Variants in OSBPL6 observed in about 807,000 individuals in gnomAD.
The protein encoded by OSBPL6 is oxysterol binding protein like 6.
In OSBPL6, 49 loss-of-function variants were observed where a neutral mutation model predicts 125.8. The observed-to-expected ratio is 0.39, with a 90% CI of 0.31 to 0.49. The LOEUF (loss-of-function observed/expected upper bound fraction) is 0.49, where lower values mean the gene tolerates loss of function less well. OSBPL6 is among the 20% of genes least tolerant of loss of function. OSBPL6 has a pLI of 0.88. For synonymous variants in OSBPL6, 394 were observed against 391.8 expected (o/e 1.01, Z -0.07); for missense variants, 986 against 1,135.4 (o/e 0.87, Z 1.89).
intron 3 of OSBPL6, among the ~76,000 whole-genome samples, chr2:178,308,563 T>C (rs1179800994): frequency 6.6e-6 from 1 of 152,302 alleles, no homozygotes; most frequent in East Asian, 1.9e-4. Context: ...CCTTCTCAAG[T>C]TCTAATCGTA....
intron 15 of OSBPL6, 54 bp from the exon 16 acceptor site, chr2:178,382,366 A>G: frequency 6.5e-7 from 1 of 1,535,884 alleles, no homozygotes; most frequent in Non-Finnish European, 8.7e-7. Context: ...TGATTATCTG[A>G]GCTTGCAAAA....
chr2:178,240,546 C>T (rs772624176), intron 1 of OSBPL6, among the ~76,000 whole-genome samples: 5 of 152,080 alleles, frequency 3.3e-5, no homozygotes, highest in South Asian at 4.2e-4. Flanking sequence ...GCATTCTGGG[C>T]GTCTCAAAAC....
At chr2:178,349,468 CT>C (rs1211395732) in intron 12 of OSBPL6, 79 bp downstream of exon 12, 15 of 1,492,410 alleles carry the variant, frequency 1.0e-5, no homozygotes, top group Non-Finnish European at 1.4e-5. Context: ...TTATCTTTGT[CT>C]TTGTGGTAAT....
intron 13 of OSBPL6, among the ~76,000 whole-genome samples, chr2:178,363,038 A>C (rs1692499286): frequency 6.6e-6 from 1 of 152,212 alleles, no homozygotes; most frequent in Admixed American, 6.5e-5. Flanking sequence ...GAAAGATCAA[A>C]ATATTGGTCA....
In OSBPL6 at chr2:178,255,648, T is replaced by C. The variant is rs374505591; in HGVS notation, c.-350-29279T>C. Among the ~76,000 whole-genome samples, 88 of 152,338 alleles carry C rather than the reference T, an allele frequency of 5.8e-4. 2 individuals carry two copies. In the South Asian group the frequency reaches 0.01, roughly 18 times the overall value. On this transcript the variant is annotated intron_variant, in intron 1 of 24. Coordinates refer to ENST00000190611, the MANE Select transcript of OSBPL6 (RefSeq NM_032523.4). ...GTACTGCAGAGCTGGTCTTCAATTC[T>C]TACAGACCAATTCCTAATCTCTCAC...
intron 12 of OSBPL6, among the ~76,000 whole-genome samples, chr2:178,350,848 A>C (rs1691190683): frequency 6.6e-6 from 1 of 152,148 alleles, no homozygotes; most frequent in Non-Finnish European, 1.5e-5. Flanking sequence ...CTAAGGGGAG[A>C]TGGTACTTTG....
chr2:178,218,587 T>C (rs2090188792), intron 1 of OSBPL6, among the ~76,000 whole-genome samples: 1 of 151,806 alleles, frequency 6.6e-6, no homozygotes, highest in Non-Finnish European at 1.5e-5. Context: ...TCTTCCTCTT[T>C]TACTGACTTT....
At chr2:178,305,493 G>A (rs540720360) in intron 2 of OSBPL6, among the ~76,000 whole-genome samples, 2 of 152,306 alleles carry the variant, frequency 1.3e-5, no homozygotes, top group South Asian at 2.1e-4. Context: ...TCACATGTAG[G>A]CATGCTGTAG....
At chr2:178,308,191 C>T (rs1468706026) in intron 3 of OSBPL6, among the ~76,000 whole-genome samples, 1 of 152,200 alleles carries the variant, frequency 6.6e-6, no homozygotes, top group Admixed American at 6.5e-5. Context: ...TGTCTGTCTA[C>T]CTCCCTAAGG....
intron 1 of OSBPL6, among the ~76,000 whole-genome samples, chr2:178,239,554 A>G (rs62177228): frequency 0.058 from 8,769 of 150,332 alleles, 313 homozygotes; most frequent in South Asian, 0.12. Flanking sequence ...TAACAGTGAG[A>G]CCCCTGTTCT....
chr2:178,230,067 G>C (rs1382407677), intron 1 of OSBPL6, among the ~76,000 whole-genome samples: 1 of 152,160 alleles, frequency 6.6e-6, no homozygotes, highest in African/African-American at 2.4e-5. Flanking sequence ...CCAGCTAGGA[G>C]CACTTCTGCA....
chr2:178,396,781 A>G lies in OSBPL6; in HGVS notation c.*1222A>G, dbSNP rs1695870184. 6.6e-6 allele frequency: 1 copy of G among 152,260 alleles called. No homozygotes were observed. Among genetic ancestry groups the G allele is most frequent in the Non-Finnish European group, 1.5e-5 (1 of 68,044 alleles). 9.4% of individuals were successfully genotyped at this position (152,260 alleles called of 1,614,324 possible). On this transcript the variant is annotated 3_prime_UTR_variant, in exon 25 of 25. Transcript: ENST00000190611. ...CAGAGATATGAAACTTAAGCTAAGGAATGTATCCATCCCAAAGCAGGAAAG... is the reference window on the plus strand; with the variant it reads ...CAGAGATATGAAACTTAAGCTAAGGGATGTATCCATCCCAAAGCAGGAAAG...
At position 178,370,539 on chromosome 2, in the gene OSBPL6, A is replaced by T. The variant is rs1693282375; in HGVS notation, c.1288-1587A>T. On this transcript the variant is annotated intron_variant, in intron 13 of 24. Transcript: ENST00000190611. The stretch of plus-strand genomic sequence containing the variant: ...GTTTTTTTCTAATTCTAAGTGTTTG[A>T]GATTTTGCTCCAAGAAAAATGATCC... 1.3e-5 allele frequency among the ~76,000 whole-genome samples: 2 copies of T among 152,190 alleles called. 1 individual carries two copies. Among genetic ancestry groups the T allele is most frequent in the South Asian group, 4.1e-4 (2 of 4,826 alleles).
At position 178,384,183 on chromosome 2, in the gene OSBPL6, G is replaced by A. The variant is rs373624856; in HGVS notation, c.2013+7G>A. 2.7e-5 allele frequency: 43 copies of A among 1,611,714 alleles called. No individual in the cohort carries two copies. Among genetic ancestry groups the A allele is most frequent in the African/African-American group, 5.3e-5 (4 of 74,878 alleles). On this transcript the variant is annotated splice_region_variant and intron_variant, in intron 18 of 24. Transcript: ENST00000190611. The stretch of plus-strand genomic sequence containing the variant: ...CCGCTTTTTCTCAGAACAGGTAAGC[G>A]CCACTGGACTCAGTGAGGTTTCTAT...
At chr2:178,236,237 A>T (rs2091047261) in intron 1 of OSBPL6, among the ~76,000 whole-genome samples, 2 of 152,210 alleles carry the variant, frequency 1.3e-5, no homozygotes, top group African/African-American at 4.8e-5. Flanking sequence ...AAAAAAAATT[A>T]TAAGTTTAGT....
At chr2:178,387,742 C>T (rs1293099139) in intron 20 of OSBPL6, among the ~76,000 whole-genome samples, 17 of 152,168 alleles carry the variant, frequency 1.1e-4, no homozygotes, top group African/African-American at 4.1e-4. Flanking sequence ...CGGTGGCTCA[C>T]GCCTGTAATT....
chr2:178,250,156 G>A (rs576924810), intron 1 of OSBPL6, among the ~76,000 whole-genome samples: 5 of 152,268 alleles, frequency 3.3e-5, no homozygotes, highest in Admixed American at 2.6e-4. Context: ...TGCTGATGCC[G>A]TTTGGTTTCC....
intron 2 of OSBPL6, among the ~76,000 whole-genome samples, chr2:178,287,501 G>A (rs1574755864): frequency 6.6e-6 from 1 of 152,136 alleles, no homozygotes; most frequent in Non-Finnish European, 1.5e-5. Context: ...AGTTGAAATC[G>A]TGCATGAGTC....
At position 178,265,076 on chromosome 2, in the gene OSBPL6, G is replaced by A. The variant is rs867370817; in HGVS notation, c.-350-19851G>A. ...TTTTTTAGAGATGAGGTCTTACTCT[G>A]TTGCTATGTTGTACTGGCGGGTCTT... is the stretch of plus-strand genomic sequence containing the variant. On this transcript the variant is annotated intron_variant, in intron 1 of 24. Coordinates refer to ENST00000190611, the MANE Select transcript of OSBPL6 (RefSeq NM_032523.4). 1.8e-4 allele frequency among the ~76,000 whole-genome samples: 27 copies of A among 148,076 alleles called. No individual in the cohort carries two copies. In the South Asian group the frequency reaches 4.3e-3, roughly 24 times the overall value.
Sources: gnomAD v4.1 joint callset for allele counts (sites outside exome capture counted in the v4.1 genomes callset) on GRCh38, gnomAD v4.1.1 for gene constraint, MANE v1.5 for transcripts, NCBI Gene and HGNC (gene_info 2026-07-23, HGNC 2026-07-21) for gene names.